Variants in RABGGTB observed in about 807,000 individuals in gnomAD.
The protein encoded by RABGGTB is Rab geranylgeranyltransferase subunit beta, also known as geranylgeranyl transferase type-2 subunit beta.
Under a neutral mutation model 44.5 loss-of-function variants are expected in RABGGTB, and 20 were observed. The ratio of observed to expected loss-of-function variants is 0.45; its 90% CI spans 0.32 to 0.65. The LOEUF (loss-of-function observed/expected upper bound fraction) is 0.65. RABGGTB is among the 30% of genes least tolerant of loss of function. The pLI, the probability that RABGGTB is intolerant of heterozygous loss-of-function variation, is 0.05. For synonymous variants in RABGGTB, 128 were observed against 136.7 expected, an observed-to-expected ratio of 0.94 and a Z score of 0.44; for missense variants, 302 against 398.7, an observed-to-expected ratio of 0.76 and a Z score of 2.06.
chr1:75,791,631 A>C, intron 6 of RABGGTB, 60 bp downstream of exon 6: 1 of 1,416,622 alleles, frequency 7.1e-7, no homozygotes, highest in Admixed American at 2.0e-5. Context: ...TAGTAAAATA[A>C]GAAAATTGGT....
At position 75,794,578 on chromosome 1, in the gene RABGGTB, T is replaced by G; in HGVS notation, c.924T>G (p.Pro308=). The change falls in exon 9 of 9, where the codon CCT becomes CCG. Residue 308 remains proline (P), a synonymous_variant. Coordinates refer to ENST00000319942, the MANE Select transcript of RABGGTB (RefSeq NM_004582.4). ...TTTTGGGAGAAGAACAGATTAAACC[T>G]GTTAATCCTGTCTTTTGCATGCCTG... is the stretch of plus-strand genomic sequence containing the variant. ...LSLLGEEQIK[P]VNPVFCMPEE... 2.5e-6 allele frequency: 4 copies of G among 1,613,038 alleles called. No homozygotes were observed. The highest frequency in any genetic ancestry group is 3.4e-6 in the Non-Finnish European group (4 of 1,179,310).
intron 4 of RABGGTB, chr1:75,790,355 TA>T (rs67126568): frequency 0.049 from 56,310 of 1,155,468 alleles, 1,712 homozygotes; most frequent in African/African-American, 0.19. Context: ...GAAAAATATT[TA>T]AAAAAAAAAA....
At chr1:75,791,671 G>C in intron 6 of RABGGTB, 100 bp downstream of exon 6, 2 of 1,032,472 alleles carry the variant, frequency 1.9e-6, no homozygotes, top group Non-Finnish European at 2.9e-6. Flanking sequence ...TACACATAAA[G>C]TTAATTCGAC....
intron 2 of RABGGTB, chr1:75,788,010 A>T (rs1456412913): frequency 2.1e-6 from 1 of 482,622 alleles, no homozygotes; most frequent in Non-Finnish European, 4.1e-6. Flanking sequence ...TTTCGAGGAA[A>T]ACTCTGGGAC....
intron 6 of RABGGTB, 145 bp from the exon 7 acceptor site, chr1:75,792,036 G>A: frequency 1.5e-6 from 1 of 652,776 alleles, no homozygotes; most frequent in East Asian, 2.9e-5. Flanking sequence ...TTTCAGATAT[G>A]TGGTATTAAT....
Position 75,789,174 on chromosome 1 carries a change from GA to G in RABGGTB, c.128del (p.Glu43GlyfsTer3), listed in dbSNP as rs1197702691. On this transcript the variant is annotated frameshift_variant, in exon 3 of 9. Coordinates refer to ENST00000319942, the MANE Select transcript of RABGGTB (RefSeq NM_004582.4). LOFTEE classifies it high-confidence loss of function. ...ATTATTTTAGGAATACTGTATGTCT[GA>G]GTATTTGAGAATGAGTGGCATCTAT... ...KKDDYEYCMS[E>X]YLRMSGIYWG... The G allele has an allele frequency of 2.5e-6, 4 of 1,613,320 alleles. No individual in the cohort carries two copies. The highest frequency in any genetic ancestry group is 3.4e-6 in the Non-Finnish European group (4 of 1,179,410).
chr1:75,791,851 A>T (rs532659716), intron 6 of RABGGTB: 2 of 90 alleles, frequency 0.022, no homozygotes, highest in South Asian at 0.5. Context: ...CCATACAGAT[A>T]AAAAAAAAAA....
chr1:75,789,439 G>C (rs1271625026), intron 3 of RABGGTB, 83 bp downstream of exon 3: 2 of 1,423,430 alleles, frequency 1.4e-6, no homozygotes, highest in Middle Eastern at 1.8e-4. Context: ...ATCAGGATTT[G>C]GTCAAAAAGT....
In RABGGTB at chr1:75,790,025, AAG is replaced by A; in HGVS notation, c.385_386del (p.Glu129ArgfsTer13). 6.2e-7 allele frequency: 1 copy of A among 1,613,276 alleles called. No homozygotes were observed. The highest frequency in any genetic ancestry group is 1.3e-5 in the African/African-American group (1 of 75,034). On this transcript the variant is annotated frameshift_variant, in exon 4 of 9. Coordinates refer to ENST00000319942, the MANE Select transcript of RABGGTB (RefSeq NM_004582.4). LOFTEE classifies it high-confidence loss of function. ...GTGGAATATGTTAAAGGTCTACAGA[AAG>A]AAGATGGTTCTTTTGCTGGAGATAT... is the stretch of plus-strand genomic sequence containing the variant.
At position 75,795,054 on chromosome 1, in the gene RABGGTB, A is replaced by G. The variant is rs1275157014; in HGVS notation, c.*404A>G. ...AACCCATACATGAATTAAATGATGC[A>G]CAAAATAAATGGCTGTTGAAATTTG... On this transcript the variant is annotated 3_prime_UTR_variant, in exon 9 of 9. Transcript: ENST00000319942. The G allele has an allele frequency of 3.6e-6, 1 of 276,022 alleles. No homozygotes were observed. Among genetic ancestry groups the G allele is most frequent in the African/African-American group, 2.3e-5 (1 of 44,212 alleles). The allele number at this position is 276,022 out of a possible 1,614,324, so 17.1% of individuals were successfully genotyped here. A position where few individuals can be genotyped will look rare whatever the true frequency, so the allele number is the denominator to read the frequency against.
In RABGGTB at chr1:75,786,292, G is replaced by T. The variant is rs200874797; in HGVS notation, c.3+18G>T. 4 of 1,614,126 alleles carry T rather than the reference G, an allele frequency of 2.5e-6. No homozygotes were observed. The highest frequency in any genetic ancestry group is 3.4e-6 in the Non-Finnish European group (4 of 1,179,970). On this transcript the variant is annotated intron_variant, in intron 1 of 8. Transcript: ENST00000319942. ...TAGACATGGTAAGTGTGAGTTTAGC[G>T]CTGCTGTCCGGATGGGTTGGTAGCA...
Position 75,786,432 on chromosome 1 carries a change from C to A in RABGGTB, c.3+158C>A, listed in dbSNP as rs532284348. The stretch of plus-strand genomic sequence containing the variant: ...TTTTTGAGTGTGAAATATTACTCAG[C>A]GTTTTCTGCAGACCTCGCGGGCAAT... On this transcript the variant is annotated intron_variant, in intron 1 of 8. Coordinates refer to ENST00000319942, the MANE Select transcript of RABGGTB (RefSeq NM_004582.4). 4.6e-5 allele frequency among the ~76,000 whole-genome samples: 7 copies of A among 152,296 alleles called. No homozygotes were observed. The South Asian group carries it at 1.5e-3, about 32-fold the overall frequency.
At chr1:75,789,853 A>G in intron 3 of RABGGTB, 99 bp from the exon 4 acceptor site, 1 of 855,822 alleles carries the variant, frequency 1.2e-6, no homozygotes, top group South Asian at 1.5e-5. Context: ...ATATACACAG[A>G]GACAAAAGGA....
chr1:75,789,650 GTCTT>G (rs957155838), intron 3 of RABGGTB: 50 of 609,144 alleles, frequency 8.2e-5, no homozygotes, highest in Non-Finnish European at 1.3e-4. Flanking sequence ...GTGGTTTAAA[GTCTT>G]TCTGGTACTA....
chr1:75,787,319 C>T (rs1649519163), intron 1 of RABGGTB, 178 bp from the exon 2 acceptor site: 7 of 620,624 alleles, frequency 1.1e-5, no homozygotes, highest in Non-Finnish European at 1.7e-5. Flanking sequence ...CCTTAATTTC[C>T]CTGGCTCAAG....
In RABGGTB at chr1:75,794,918, A is replaced by G. The variant is rs1023436853; in HGVS notation, c.*268A>G. The G allele has an allele frequency of 3.6e-5, 7 of 193,712 alleles. No individual in the cohort carries two copies. In the South Asian group the frequency reaches 6.1e-4, roughly 17 times the overall value. 12.0% of individuals were successfully genotyped at this position (193,712 alleles called of 1,614,324 possible). A position where few individuals can be genotyped will look rare whatever the true frequency, so the allele number is the denominator to read the frequency against. ...TTCAATAACTGAGCTAACATAAAATAACTCTAGGTTTCTACTTGATTTTTC... is the reference window on the plus strand; with the variant it reads ...TTCAATAACTGAGCTAACATAAAATGACTCTAGGTTTCTACTTGATTTTTC... On this transcript the variant is annotated 3_prime_UTR_variant, in exon 9 of 9. Coordinates refer to ENST00000319942, the MANE Select transcript of RABGGTB (RefSeq NM_004582.4).
chr1:75,788,962 T>G, intron 2 of RABGGTB, 197 bp from the exon 3 acceptor site: 2 of 577,728 alleles, frequency 3.5e-6, no homozygotes, highest in Non-Finnish European at 6.1e-6. Context: ...ATAATTGTTT[T>G]TTTCTGATAA....
chr1:75,792,001 T>C, intron 6 of RABGGTB, 180 bp from the exon 7 acceptor site: 2 of 546,592 alleles, frequency 3.7e-6, no homozygotes, highest in East Asian at 3.0e-5. Context: ...CAGAATTGCA[T>C]ACTAGTAATA....
At chr1:75,793,775 G>A (rs1460872851) in intron 7 of RABGGTB, 3 of 240,366 alleles carry the variant, frequency 1.2e-5, no homozygotes, top group Non-Finnish European at 1.6e-5. Flanking sequence ...TGGTTAAGGG[G>A]CTGAGTTAGG....
Sources: allele counts gnomAD v4.1 joint callset (sites outside exome capture counted in the v4.1 genomes callset), GRCh38; gene constraint gnomAD v4.1.1; transcripts MANE v1.5; gene names NCBI Gene and HGNC (gene_info 2026-07-23, HGNC 2026-07-21).